The following IQGAP1 variants were observed in gnomAD, a reference collection of about 807,000 sequenced individuals.
IQGAP1 encodes IQ motif containing GTPase activating protein 1.
In IQGAP1, 66 loss-of-function variants were observed where a neutral mutation model predicts 215.6. The ratio of observed to expected loss-of-function variants is 0.31; its 90% CI spans 0.25 to 0.38. The LOEUF is 0.38. IQGAP1 is among the 10% of genes least tolerant of loss of function. The pLI is 1.00. For missense variants in IQGAP1, 1,712 were observed against 1,997.1 expected, an observed-to-expected ratio of 0.86 and a Z score of 2.72; for synonymous variants, 772 against 728.7, an observed-to-expected ratio of 1.06 and a Z score of -0.96.
chr15:90,441,630 C>T lies in IQGAP1; in HGVS notation c.774C>T (p.Tyr258=), dbSNP rs114889611. Residue 258 remains tyrosine (Y), a synonymous_variant, in exon 8 of 38, where the codon TAC becomes TAT. Coordinates refer to ENST00000268182, the MANE Select transcript of IQGAP1 (RefSeq NM_003870.4). ...VNLEEPLAST[Y]QDILYQAKQD... is the part of the protein sequence containing the mutation. ...TTGAAGAGCCCTTGGCATCCACTTA[C>T]CAGGATATACTTTACCAGGCTAAGC... 1.3e-3 allele frequency: 2,034 copies of T among 1,613,694 alleles called. 10 individuals carry two copies. In the African/African-American group the frequency reaches 0.017, roughly 14 times the overall value.
rs556025648 is a variant in IQGAP1 at position 90,474,641 on chromosome 15, A to G, written c.2732A>G (p.Asn911Ser). Residue 911 changes from asparagine to serine, a missense_variant, in exon 23 of 38, where the codon AAT (asparagine) becomes AGT (serine). This residue lies in a region of IQGAP1 where 691 missense variants were observed against 923.0 expected (regional missense o/e 0.75). Coordinates refer to ENST00000268182, the MANE Select transcript of IQGAP1 (RefSeq NM_003870.4). ...AACCAGCAGCTGGAGAATGACCTCA[A>G]TCTCATGGATATCAAAATTGGACTG... Reference protein sequence around the residue: ...RSNQQLENDLNLMDIKIGLLV... With the variant: ...RSNQQLENDLSLMDIKIGLLV... 2.4e-5 allele frequency: 39 copies of G among 1,613,988 alleles called. No individual in the cohort carries two copies. Among genetic ancestry groups the G allele is most frequent in the Non-Finnish European group, 3.3e-5 (39 of 1,179,920 alleles).
At chr15:90,442,787 G>A (rs1223434918) in intron 8 of IQGAP1, among the ~76,000 whole-genome samples, 1 of 152,132 alleles carries the variant, frequency 6.6e-6, no homozygotes, top group African/African-American at 2.4e-5. Context: ...TGGCCAATAT[G>A]GTGAAACCCT....
chr15:90,452,922 A>T lies in IQGAP1; in HGVS notation c.1310A>T (p.Gln437Leu). ...DLYQKELATL[Q>L]RQSPEHNLTH... ...TATCAGAAGGAGCTGGCTACCCTGC[A>T]GCGACAAAGTCCTGAAGTGAGTTCA... The change falls in exon 12 of 38, where the codon CAG (glutamine) becomes CTG (leucine). Residue 437 changes from glutamine to leucine, a missense_variant. Gln to Leu is a moderately radical substitution (Grantham distance 113). Around this residue, in one of 2 missense-constraint regions of IQGAP1, gnomAD observed 1,021 missense variants for 1,074.2 expected, o/e 0.95. Transcript: ENST00000268182. The T allele has an allele frequency of 1.9e-6, 3 of 1,614,006 alleles. No homozygotes were observed. In the South Asian group the frequency reaches 3.3e-5, roughly 18 times the overall value.
chr15:90,484,709 C>T (rs989013452), intron 30 of IQGAP1, among the ~76,000 whole-genome samples: 3 of 152,098 alleles, frequency 2.0e-5, no homozygotes, highest in Non-Finnish European at 2.9e-5. Context: ...CGGGGTTTCA[C>T]TGTGTTAGCC....
At chr15:90,485,905 T>G in intron 30 of IQGAP1, 125 bp from the exon 31 acceptor site, 1 of 665,990 alleles carries the variant, frequency 1.5e-6, no homozygotes, top group Non-Finnish European at 2.6e-6. Context: ...GAGGATTTGC[T>G]TGTTGTTTCT....
chr15:90,495,107 C>G (rs939074673), intron 36 of IQGAP1, among the ~76,000 whole-genome samples: 4 of 152,188 alleles, frequency 2.6e-5, no homozygotes, highest in African/African-American at 9.6e-5. Flanking sequence ...GGAAGCCATT[C>G]CTTGGATTTC....
intron 37 of IQGAP1, 143 bp downstream of exon 37, chr15:90,497,483 T>A: frequency 1.7e-6 from 1 of 582,142 alleles, no homozygotes; most frequent in Non-Finnish European, 3.1e-6. Flanking sequence ...GGAAAGAAGC[T>A]GAGGGTTTCA....
At chr15:90,439,266 C>A in intron 5 of IQGAP1, 66 bp from the exon 6 acceptor site, 1 of 1,140,856 alleles carries the variant, frequency 8.8e-7, no homozygotes, top group Non-Finnish European at 1.3e-6. Context: ...TGCTGATTTT[C>A]GCCTTTTAAG....
At chr15:90,439,981 A>G (rs974034280) in intron 6 of IQGAP1, among the ~76,000 whole-genome samples, 2 of 152,228 alleles carry the variant, frequency 1.3e-5, no homozygotes, top group South Asian at 4.1e-4. Flanking sequence ...TGTAGGCTTG[A>G]AAGTTTAAAA....
intron 4 of IQGAP1, chr15:90,431,328 G>A (rs914700035): frequency 2.6e-5 from 4 of 151,950 alleles, no homozygotes; most frequent in Admixed American, 2.6e-4. Flanking sequence ...TGGCCTGTCT[G>A]TGCACCTGTA....
intron 36 of IQGAP1, among the ~76,000 whole-genome samples, chr15:90,495,850 G>C (rs905168806): frequency 6.7e-5 from 10 of 149,794 alleles, no homozygotes; most frequent in African/African-American, 2.4e-4. Flanking sequence ...TGTTGGCCAG[G>C]CTAATCTCAA....
At chr15:90,476,515 A>G (rs962336027) in intron 23 of IQGAP1, 148 bp from the exon 24 acceptor site, 38 of 491,206 alleles carry the variant, frequency 7.7e-5, no homozygotes, top group Non-Finnish European at 1.2e-4. Flanking sequence ...AAAACAGGAT[A>G]AAGTGTAGTG....
chr15:90,491,181 A>T (rs1397056147), intron 33 of IQGAP1, 152 bp from the exon 34 acceptor site: 1 of 637,344 alleles, frequency 1.6e-6, no homozygotes, highest in Non-Finnish European at 2.7e-6. Context: ...GCAATTTTTC[A>T]TCTATCATTT....
rs776653965 is a variant in IQGAP1 at position 90,482,091 on chromosome 15, A to G, written c.3461A>G (p.Asp1154Gly). Residue 1154 changes from aspartate to glycine, a missense_variant, in exon 27 of 38, where the codon GAC becomes GGC. By Grantham distance (94) the Asp-to-Gly change is moderately conservative (BLOSUM62 -1). This residue lies in a region of IQGAP1 where 691 missense variants were observed against 923.0 expected (regional missense o/e 0.75). Transcript: ENST00000268182. Reference sequence around the variant, plus strand: ...CTCTCAGCCATTGTCAGCTCTGTGGACAAAATCCCGTGAGTGCCATCAGTT... The same window carrying G: ...CTCTCAGCCATTGTCAGCTCTGTGGGCAAAATCCCGTGAGTGCCATCAGTT... ...KFLSAIVSSV[D>G]KIPYGMRFIA... 6.2e-7 allele frequency: 1 copy of G among 1,614,216 alleles called. No individual in the cohort carries two copies. Among genetic ancestry groups the G allele is most frequent in the Non-Finnish European group, 8.5e-7 (1 of 1,180,046 alleles).
intron 2 of IQGAP1, among the ~76,000 whole-genome samples, chr15:90,419,465 G>GA (rs1471942886): frequency 6.6e-6 from 1 of 152,136 alleles, no homozygotes; most frequent in African/African-American, 2.4e-5. Flanking sequence ...TTTTGCATTT[G>GA]AGTGAGATTT....
chr15:90,470,656 C>T (rs1340896643), intron 18 of IQGAP1, among the ~76,000 whole-genome samples: 1 of 152,098 alleles, frequency 6.6e-6, no homozygotes, highest in East Asian at 1.9e-4. Context: ...TTAGTCTACT[C>T]GTCACTAATT....
At chr15:90,413,514 T>C (rs1300258091) in intron 2 of IQGAP1, among the ~76,000 whole-genome samples, 1 of 152,194 alleles carries the variant, frequency 6.6e-6, no homozygotes, top group African/African-American at 2.4e-5. Flanking sequence ...TATTAGCCAA[T>C]AGGTCATGAT....
intron 2 of IQGAP1, among the ~76,000 whole-genome samples, chr15:90,403,077 C>A (rs1436736331): frequency 6.6e-6 from 1 of 152,062 alleles, no homozygotes; most frequent in African/African-American, 2.4e-5. Context: ...TCATGACCAG[C>A]CTGGGCAACA....
At chr15:90,490,860 G>A (rs1306961978) in intron 33 of IQGAP1, among the ~76,000 whole-genome samples, 1 of 152,174 alleles carries the variant, frequency 6.6e-6, no homozygotes, top group Non-Finnish European at 1.5e-5. Context: ...CCAGACTGGA[G>A]TGCAGTGGCG....
Sources: allele counts gnomAD v4.1 joint callset (sites outside exome capture counted in the v4.1 genomes callset), GRCh38; gene constraint gnomAD v4.1.1; regional missense constraint gnomAD v4.1.1; transcripts MANE v1.5; gene names NCBI Gene and HGNC (gene_info 2026-07-23, HGNC 2026-07-21).